The following LRRC37A2 variants were observed in gnomAD, a reference collection of about 807,000 sequenced individuals.
LRRC37A2 encodes leucine-rich repeat-containing protein 37A2.
In LRRC37A2, 9 loss-of-function variants were observed where a neutral mutation model predicts 68.8. That is an observed-to-expected ratio of 0.13 (90% confidence interval 0.08 to 0.23). LRRC37A2 has a LOEUF of 0.23. Ranked by LOEUF, LRRC37A2 falls within the 10% of genes least tolerant of loss-of-function variation. LRRC37A2 has a pLI of 1.00. For synonymous variants in LRRC37A2, 63 were observed against 367.6 expected (o/e 0.17, Z 9.48); for missense variants, 168 against 950.4 (o/e 0.18, Z 10.82).
chr17:46,865,415 G>C, the LRRC37A2 span, among the ~76,000 whole-genome samples: 7 of 152,112 alleles, frequency 4.6e-5, no homozygotes, highest in Non-Finnish European at 7.4e-5. Context: ...TCAGGGATGG[G>C]TGGGGGACGA....
chr17:46,862,068 C>A, the LRRC37A2 span, among the ~76,000 whole-genome samples: 3 of 148,558 alleles, frequency 2.0e-5, 1 homozygote, highest in South Asian at 6.3e-4. Flanking sequence ...GAGGCTGAGG[C>A]AAGAGAATTG....
chr17:46,998,753 C>G, the LRRC37A2 span: 108,809 of 152,134 alleles, frequency 0.72, 39,557 homozygotes, highest in Middle Eastern at 0.78. Context: ...AGTTCCCTGG[C>G]CATCCATCCT....
the LRRC37A2 span, among the ~76,000 whole-genome samples, chr17:46,635,777 A>ATGTATGTGTG: frequency 1.3e-4 from 15 of 116,796 alleles, 1 homozygote; most frequent in Non-Finnish European, 2.5e-4. Context: ...GGGAAAATAA[A>ATGTATGTGTG]TGTGTGTGTG....
chr17:46,750,138 A>C, the LRRC37A2 span, among the ~76,000 whole-genome samples: 1 of 152,174 alleles, frequency 6.6e-6, no homozygotes, highest in Non-Finnish European at 1.5e-5. Context: ...GGATCACTTG[A>C]GGTCAGGAGT....
chr17:46,768,113 G>C, the LRRC37A2 span, among the ~76,000 whole-genome samples: 9 of 152,176 alleles, frequency 5.9e-5, no homozygotes, highest in African/African-American at 2.2e-4. This position sits in a 1 kb window ranked among gnomAD's most constrained non-coding sequence, Gnocchi z 5.0. Flanking sequence ...TCTGTGCTTT[G>C]TGCAATCCAC....
the LRRC37A2 span, among the ~76,000 whole-genome samples, chr17:46,779,989 C>T: frequency 6.6e-6 from 1 of 152,194 alleles, no homozygotes; most frequent in Admixed American, 6.5e-5. Context: ...GAACTCCTGA[C>T]CAAGTGATCC....
the LRRC37A2 span, among the ~76,000 whole-genome samples, chr17:46,793,110 A>T: frequency 0.032 from 6 of 188 alleles, no homozygotes; most frequent in South Asian, 0.33. Flanking sequence ...ACTAAAATTA[A>T]AAAAAAAAAA....
chr17:47,008,357 C>T, the LRRC37A2 span, among the ~76,000 whole-genome samples: 24 of 152,108 alleles, frequency 1.6e-4, no homozygotes, highest in East Asian at 5.8e-4. Flanking sequence ...GTGATCCGCC[C>T]GGCTTGGCCT....
the LRRC37A2 span, chr17:46,728,709 T>A: frequency 2.2e-6 from 1 of 459,004 alleles, no homozygotes; most frequent in East Asian, 3.3e-5. Context: ...GTTTACTCTT[T>A]AAATTTTTTT....
At chr17:46,856,651 T>C in the LRRC37A2 span, among the ~76,000 whole-genome samples, 4 of 152,002 alleles carry the variant, frequency 2.6e-5, no homozygotes, top group Non-Finnish European at 5.9e-5. Context: ...GCCCAGCTAA[T>C]TTTTGTATTT....
the LRRC37A2 span, chr17:46,875,164 G>C: frequency 6.2e-7 from 1 of 1,614,002 alleles, no homozygotes; most frequent in Non-Finnish European, 8.5e-7. Context: ...ACCCTGGCCC[G>C]GGCCTGCAGC....
At chr17:46,743,825 G>A in the LRRC37A2 span, among the ~76,000 whole-genome samples, 1 of 152,164 alleles carries the variant, frequency 6.6e-6, no homozygotes, top group Non-Finnish European at 1.5e-5. Flanking sequence ...CTGGTTTCCT[G>A]TTGCTTTTTA....
chr17:46,877,637 G>A, the LRRC37A2 span, among the ~76,000 whole-genome samples: 1 of 152,218 alleles, frequency 6.6e-6, no homozygotes, highest in Admixed American at 6.5e-5. Context: ...GCAGTGACGT[G>A]GCGAGCTCAG....
chr17:46,816,324 C>T, the LRRC37A2 span, among the ~76,000 whole-genome samples: 3 of 152,140 alleles, frequency 2.0e-5, no homozygotes, highest in Non-Finnish European at 2.9e-5. Context: ...TGCAGACACA[C>T]ACAGCACAAC....
intron 6 of LRRC37A2, among the ~76,000 whole-genome samples, chr17:46,534,828 G>GC (rs1247977410): frequency 6.8e-6 from 1 of 147,182 alleles, no homozygotes; most frequent in Non-Finnish European, 1.5e-5. Context: ...GCGGGGGCTG[G>GC]CCCCCACCTC....
At chr17:46,488,725 G>A in the LRRC37A2 span, among the ~76,000 whole-genome samples, 62 of 144,422 alleles carry the variant, frequency 4.3e-4, no homozygotes, top group African/African-American at 1.5e-3. Context: ...AAAATGTAAC[G>A]CACTTGAAAC....
the LRRC37A2 span, chr17:46,931,887 A>G: frequency 1.9e-4 from 121 of 652,278 alleles, no homozygotes; most frequent in African/African-American, 1.7e-3. Flanking sequence ...TTTAACCACA[A>G]GTTTCTTCTT....
the LRRC37A2 span, among the ~76,000 whole-genome samples, chr17:46,734,033 G>A: frequency 1.0e-3 from 156 of 152,282 alleles, 1 homozygote; most frequent in South Asian, 2.3e-3. Flanking sequence ...CATGAGTTTT[G>A]TTTTTAACAT....
the LRRC37A2 span, among the ~76,000 whole-genome samples, chr17:46,782,428 T>C: frequency 6.6e-6 from 1 of 152,184 alleles, no homozygotes. Context: ...TGCTGGCTCC[T>C]GGGCAGTACT....
Sources: allele counts gnomAD v4.1 joint callset (sites outside exome capture counted in the v4.1 genomes callset), GRCh38; gene constraint gnomAD v4.1.1; non-coding constraint Gnocchi (gnomAD v3.1); transcripts MANE v1.5; gene names NCBI Gene and HGNC (gene_info 2026-07-23, HGNC 2026-07-21).